Variants in SYNE2 observed in about 807,000 individuals in gnomAD.
The protein encoded by SYNE2 is spectrin repeat containing nuclear envelope protein 2.
In SYNE2, 431 loss-of-function variants were observed where a neutral mutation model predicts 856.3. The observed-to-expected ratio is 0.50, with a 90% confidence interval of 0.47 to 0.55. The LOEUF is 0.55. SYNE2 is among the 20% of genes least tolerant of loss of function. The pLI is 0.00. For missense variants in SYNE2, 8,129 were observed against 8,023.2 expected, an observed-to-expected ratio of 1.01 and a Z score of -0.50; for synonymous variants, 2,923 against 2,872.3, an observed-to-expected ratio of 1.02 and a Z score of -0.56.
At chr14:63,883,886 G>A (rs1226354846) in intron 1 of SYNE2, among the ~76,000 whole-genome samples, 1 of 128,040 alleles carries the variant, frequency 7.8e-6, no homozygotes, top group Admixed American at 8.6e-5. Context: ...TTTTTTGCAT[G>A]GGTGTGAGGG....
intron 84 of SYNE2, among the ~76,000 whole-genome samples, chr14:64,147,616 C>T (rs950870891): frequency 6.6e-6 from 1 of 152,164 alleles, no homozygotes; most frequent in African/African-American, 2.4e-5. Context: ...AAAATAAATT[C>T]CAGACACAAT....
rs1485841183 is a variant in SYNE2 at position 64,175,051 on chromosome 14, T to C, written c.17343T>C (p.Gly5781=). 1.9e-6 allele frequency: 3 copies of C among 1,614,114 alleles called. No homozygotes were observed. The highest frequency in any genetic ancestry group is 3.3e-5 in the Admixed American group (2 of 60,008). Residue 5781 remains glycine, a synonymous_variant, in exon 95 of 116, where the codon GGT becomes GGC. Transcript: ENST00000555002. ...ACCTGAAAACTAAAGAGTCTGTGGG[T>C]AGGAGAATCAGTCAACTTCAGGACA... The part of the protein sequence containing the change: ...TTDLKTKESV[G]RRISQLQDSW...
chr14:63,784,387 G>T (rs549208293), intron 1 of SYNE2, among the ~76,000 whole-genome samples: 2 of 152,058 alleles, frequency 1.3e-5, no homozygotes, highest in African/African-American at 2.4e-5. Flanking sequence ...GTCCCAGCTG[G>T]TCGGGAGGCT....
intron 1 of SYNE2, among the ~76,000 whole-genome samples, chr14:63,811,374 G>A (rs936914125): frequency 6.6e-6 from 1 of 152,034 alleles, no homozygotes; most frequent in Non-Finnish European, 1.5e-5. Flanking sequence ...CTCTGCCTAA[G>A]CCTCCTGAGT....
intron 47 of SYNE2, among the ~76,000 whole-genome samples, chr14:64,050,913 T>C (rs7150982): frequency 0.91 from 138,033 of 151,756 alleles, 62,872 homozygotes; most frequent in Non-Finnish European, 0.94. Context: ...TCTAGCTACT[T>C]GGGAGGCTGA....
chr14:64,173,771 CAT>C (rs993471640), intron 94 of SYNE2: 1 of 517,216 alleles, frequency 1.9e-6, no homozygotes, highest in Non-Finnish European at 3.4e-6. Flanking sequence ...GCCAGGAAAA[CAT>C]ATTTAGAACA....
intron 96 of SYNE2, among the ~76,000 whole-genome samples, chr14:64,178,196 G>T (rs2098443306): frequency 6.6e-6 from 1 of 152,074 alleles, no homozygotes; most frequent in Admixed American, 6.5e-5. Flanking sequence ...CTTCAAATTA[G>T]GCCAGAAATT....
At chr14:63,994,114 AC>A (rs979294778) in intron 22 of SYNE2, 145 bp downstream of exon 22, 3 of 806,366 alleles carry the variant, frequency 3.7e-6, no homozygotes, top group Non-Finnish European at 2.0e-6. Context: ...CAGGGTTCAT[AC>A]AGAGTTTCAT....
intron 2 of SYNE2, among the ~76,000 whole-genome samples, chr14:63,920,196 C>T (rs1242625613): frequency 6.6e-6 from 1 of 151,878 alleles, no homozygotes; most frequent in Non-Finnish European, 1.5e-5. Context: ...CAGAGATACA[C>T]ACAAGCGCGT....
At chr14:63,902,812 G>A (rs1215832467) in intron 1 of SYNE2, among the ~76,000 whole-genome samples, 2 of 152,036 alleles carry the variant, frequency 1.3e-5, no homozygotes, top group Non-Finnish European at 2.9e-5. Flanking sequence ...GGGAACCTCA[G>A]CCTCTGGAGT....
rs1324900282 is a variant in SYNE2 at position 64,139,994 on chromosome 14, C to G, written c.14897C>G (p.Thr4966Ser). The change falls in exon 80 of 116, where the codon ACT (threonine) becomes AGT (serine). Residue 4966 changes from threonine (T) to serine (S), a missense_variant. Transcript: ENST00000555002. Reference sequence around the variant, plus strand: ...AAGTGGTTGGAATCTTCCCAGCATACTCTGAATTACTGGAAAGAACAGTCC... The same window carrying G: ...AAGTGGTTGGAATCTTCCCAGCATAGTCTGAATTACTGGAAAGAACAGTCC... ...LTKWLESSQH[T>S]LNYWKEQSLN... 1 of 1,613,904 alleles carries G rather than the reference C, an allele frequency of 6.2e-7. No homozygotes were observed. Among genetic ancestry groups the G allele is most frequent in the East Asian group, 2.2e-5 (1 of 44,870 alleles).
chr14:63,865,711 CCCA>C (rs1442463118), intron 1 of SYNE2, among the ~76,000 whole-genome samples: 2 of 34,602 alleles, frequency 5.8e-5, no homozygotes, highest in African/African-American at 8.6e-5. Flanking sequence ...AAACTCTGTA[CCCA>C]CCCCCCCCCC....
At chr14:64,118,452 T>C (rs1466850878) in intron 66 of SYNE2, among the ~76,000 whole-genome samples, 2 of 152,218 alleles carry the variant, frequency 1.3e-5, no homozygotes, top group Non-Finnish European at 2.9e-5. Context: ...TTGTGAGAGT[T>C]TGGAGGCTTA....
At chr14:64,181,427 G>A (rs2098457614) in intron 96 of SYNE2, among the ~76,000 whole-genome samples, 1 of 152,194 alleles carries the variant, frequency 6.6e-6, no homozygotes, top group Admixed American at 6.5e-5. Flanking sequence ...TGCAGAACAT[G>A]AAATGTAAAC....
intron 64 of SYNE2, among the ~76,000 whole-genome samples, chr14:64,105,788 GT>G (rs34178508): frequency 0.32 from 49,121 of 152,030 alleles, 11,942 homozygotes; most frequent in African/African-American, 0.68. Context: ...GCTAGGTGCA[GT>G]TGTCTCATGC....
intron 102 of SYNE2, 86 bp from the exon 103 acceptor site, chr14:64,209,856 G>C (rs969779119): frequency 1.3e-6 from 2 of 1,576,772 alleles, no homozygotes; most frequent in African/African-American, 1.3e-5. Flanking sequence ...TGAACCCCTG[G>C]CAGCAGGTCG....
chr14:64,113,421 T>C lies in SYNE2; in HGVS notation c.12690T>C (p.Thr4230=), dbSNP rs768174936. The C allele has an allele frequency of 1.9e-6, 3 of 1,614,188 alleles. No homozygotes were observed. In the South Asian group the frequency reaches 3.3e-5, roughly 18 times the overall value. ...GTTTGGAGCCCAGGGTGGAGAAAAC[T>C]AGGCCGGAGCCCACAGAAGTCCTGC... ...QGGLEPRVEK[T]RPEPTEVLHA... The change falls in exon 66 of 116, where the codon ACT becomes ACC. Residue 4230 remains threonine (T), a synonymous_variant. Coordinates refer to ENST00000555002, the MANE Select transcript of SYNE2 (RefSeq NM_182914.3).
chr14:64,183,155 C>G (rs1383297970), intron 96 of SYNE2, among the ~76,000 whole-genome samples: 2 of 150,294 alleles, frequency 1.3e-5, no homozygotes, highest in African/African-American at 4.9e-5. Flanking sequence ...CCTCACTTCT[C>G]GGACGGGGCG....
In SYNE2 at chr14:64,065,480, C is replaced by T. The variant is rs757792105; in HGVS notation, c.10261C>T (p.Arg3421Ter). 4 of 1,613,932 alleles carry T rather than the reference C, an allele frequency of 2.5e-6. No homozygotes were observed. The highest frequency in any genetic ancestry group is 1.7e-5 in the Admixed American group (1 of 59,996). Residue 3421 changes from arginine (R) to a stop codon, truncating the protein, a stop_gained, in exon 51 of 116, where the codon CGA becomes TGA. Transcript: ENST00000555002. LOFTEE classifies it high-confidence loss of function. ...AACCAAAGAAGAGTTAATGAAACTA[C>T]GACAGATCCTTAGACTCTTGAGACT... ...ISTKEELMKL[R>*]QILRLLRLRC... is the part of the protein sequence containing the mutation.
Sources: gnomAD v4.1 joint callset for allele counts (sites outside exome capture counted in the v4.1 genomes callset) on GRCh38, gnomAD v4.1.1 for gene constraint, MANE v1.5 for transcripts, NCBI Gene and HGNC (gene_info 2026-07-23, HGNC 2026-07-21) for gene names.